MCTP1: variants seen among roughly 807,000 people sequenced by gnomAD.
The protein encoded by MCTP1 is multiple C2 and transmembrane domain-containing protein 1.
MCTP1 carries 69 observed loss-of-function variants against 120.6 expected under a neutral mutation model. The observed-to-expected ratio is 0.57, with a 90% confidence interval of 0.47 to 0.70. MCTP1 has a LOEUF of 0.70. Ranked by LOEUF, MCTP1 falls within the 30% of genes least tolerant of loss-of-function variation. The probability of loss-of-function intolerance (pLI) is 0.00; values close to 1 mark genes in which losing one functional copy is unlikely to be tolerated. For missense variants in MCTP1, 1,203 were observed against 1,248.8 expected, an observed-to-expected ratio of 0.96 and a Z score of 0.55; for synonymous variants, 529 against 493.1, an observed-to-expected ratio of 1.07 and a Z score of -0.96.
intron 17 of MCTP1, among the ~76,000 whole-genome samples, chr5:94,864,091 C>T (rs1796327343): frequency 6.6e-6 from 1 of 151,816 alleles, no homozygotes; most frequent in South Asian, 2.1e-4. Context: ...AGAAGGAATT[C>T]TTGGTTTTGA....
At chr5:95,009,561 A>T (rs1835498332) in intron 2 of MCTP1, among the ~76,000 whole-genome samples, 1 of 151,316 alleles carries the variant, frequency 6.6e-6, no homozygotes, top group Non-Finnish European at 1.5e-5. Context: ...TTATTATATG[A>T]TACATATTCA....
intron 2 of MCTP1, among the ~76,000 whole-genome samples, chr5:94,978,568 C>T (rs368925392): frequency 5.3e-4 from 81 of 152,018 alleles, no homozygotes; most frequent in African/African-American, 1.7e-3. Flanking sequence ...ATGGATGAAA[C>T]TTGAAGACAT....
At chr5:94,860,124 A>G (rs1378987115) in intron 17 of MCTP1, among the ~76,000 whole-genome samples, 1 of 151,714 alleles carries the variant, frequency 6.6e-6, no homozygotes, top group Non-Finnish European at 1.5e-5. Context: ...CTTGCCATGC[A>G]AAACAGCCAG....
chr5:94,828,238 T>A (rs1787684513), intron 17 of MCTP1, among the ~76,000 whole-genome samples: 1 of 152,160 alleles, frequency 6.6e-6, no homozygotes, highest in African/African-American at 2.4e-5. Context: ...TCTGCTGGAG[T>A]TTGCTGGGGG....
At chr5:94,962,500 T>TTG (rs1410942095) in intron 2 of MCTP1, among the ~76,000 whole-genome samples, 1 of 150,470 alleles carries the variant, frequency 6.6e-6, no homozygotes. Context: ...AACATATATA[T>TTG]TGTGTGTATG....
intron 1 of MCTP1, among the ~76,000 whole-genome samples, chr5:95,117,743 GA>G (rs1757924761): frequency 6.6e-6 from 1 of 152,150 alleles, no homozygotes; most frequent in African/African-American, 2.4e-5. Flanking sequence ...ATTCACAATA[GA>G]AAAGACATGG....
At chr5:94,844,261 C>T (rs1286677828) in intron 17 of MCTP1, among the ~76,000 whole-genome samples, 3 of 139,288 alleles carry the variant, frequency 2.2e-5, no homozygotes, top group African/African-American at 8.2e-5. Context: ...GAGATCGCGC[C>T]ATTGCACTCC....
At chr5:94,794,498 A>C (rs1779618729) in intron 18 of MCTP1, among the ~76,000 whole-genome samples, 2 of 152,212 alleles carry the variant, frequency 1.3e-5, no homozygotes, top group Non-Finnish European at 2.9e-5. Context: ...GGCCCTGGAC[A>C]CTAAGAAAGC....
chr5:94,955,698 G>C (rs896633401), intron 2 of MCTP1, among the ~76,000 whole-genome samples: 1 of 152,182 alleles, frequency 6.6e-6, no homozygotes, highest in Non-Finnish European at 1.5e-5. Flanking sequence ...AGCCACTGTA[G>C]CCAGACTGCC....
intron 1 of MCTP1, among the ~76,000 whole-genome samples, chr5:95,026,107 T>C (rs2194948): frequency 6.6e-6 from 1 of 151,912 alleles, no homozygotes; most frequent in African/African-American, 2.4e-5. Context: ...AAATAAAGGG[T>C]TTACTCTGTT....
intron 17 of MCTP1, among the ~76,000 whole-genome samples, chr5:94,816,304 G>A (rs1784470188): frequency 6.6e-6 from 1 of 151,980 alleles, no homozygotes; most frequent in African/African-American, 2.4e-5. Context: ...TGGGAAGTGT[G>A]TATCCATAAA....
chr5:95,080,539 T>C (rs1754660433), intron 1 of MCTP1, among the ~76,000 whole-genome samples: 2 of 152,192 alleles, frequency 1.3e-5, no homozygotes, highest in African/African-American at 4.8e-5. Context: ...AATTCAGTTA[T>C]AGCTCTCGAA....
chr5:94,865,839 T>C lies in MCTP1; in HGVS notation c.2436+2494A>G, dbSNP rs114606698. ...TGCCTCAGTTTCTTCCTTCTGTATA[T>C]TGGAAAACTAACACTATCTACTTCA... On this transcript the variant is annotated intron_variant, in intron 17 of 22. Transcript: ENST00000515393. Among the ~76,000 whole-genome samples, 1,286 of 151,174 alleles carry C rather than the reference T, an allele frequency of 8.5e-3. 9 individuals are homozygous for C. The highest frequency in any genetic ancestry group is 0.018 in the South Asian group (86 of 4,798).
At chr5:94,973,821 T>A (rs1417415205) in intron 2 of MCTP1, among the ~76,000 whole-genome samples, 1 of 152,100 alleles carries the variant, frequency 6.6e-6, no homozygotes, top group African/African-American at 2.4e-5. Context: ...GATGGTTTAG[T>A]GTGGTACAGG....
chr5:95,188,752 C>T (rs928655232), intron 1 of MCTP1, among the ~76,000 whole-genome samples: 3 of 152,080 alleles, frequency 2.0e-5, no homozygotes. Flanking sequence ...ACTGTTCTGA[C>T]AGGGGTGGTG....
At chr5:94,766,825 C>G (rs1393740088) in intron 19 of MCTP1, among the ~76,000 whole-genome samples, 1 of 152,188 alleles carries the variant, frequency 6.6e-6, no homozygotes, top group East Asian at 1.9e-4. Context: ...AGACCCCAAA[C>G]TGGATAGCTT....
intron 12 of MCTP1, among the ~76,000 whole-genome samples, chr5:94,874,875 C>T (rs1360888211): frequency 6.6e-6 from 1 of 152,098 alleles, no homozygotes; most frequent in Non-Finnish European, 1.5e-5. Context: ...ATGTAAGATA[C>T]TAGGCAACAC....
chr5:94,955,823 G>A (rs578202071), intron 2 of MCTP1, among the ~76,000 whole-genome samples: 2 of 152,192 alleles, frequency 1.3e-5, no homozygotes, highest in Non-Finnish European at 2.9e-5. Flanking sequence ...GGGGGAAGGG[G>A]TAGCTGTGGG....
rs72775342 is a variant in MCTP1, at chr5:94,834,130, T to C, written c.2436+34203A>G. Among the ~76,000 whole-genome samples the C allele has an allele frequency of 2.7e-3, 415 of 152,278 alleles. 1 individual carries two copies. Among genetic ancestry groups the C allele is most frequent in the Middle Eastern group, 6.8e-3 (2 of 294 alleles). ...TTCAGGGGAGACTTGGACATTATGG[T>C]GAAAGTTTGTGACAAGTTTGTAAAA... is the stretch of plus-strand genomic sequence containing the variant. On this transcript the variant is annotated intron_variant, in intron 17 of 22. Transcript: ENST00000515393.
Sources: gnomAD v4.1 joint callset for allele counts (sites outside exome capture counted in the v4.1 genomes callset) on GRCh38, gnomAD v4.1.1 for gene constraint, MANE v1.5 for transcripts, NCBI Gene and HGNC (gene_info 2026-07-23, HGNC 2026-07-21) for gene names.